The following EYA4 variants were observed in gnomAD, a reference collection of about 807,000 sequenced individuals.
EYA4 encodes protein phosphatase EYA4.
In EYA4, 31 loss-of-function variants were observed where a neutral mutation model predicts 87.9. The ratio of observed to expected loss-of-function variants is 0.35; its 90% CI spans 0.27 to 0.48. The LOEUF (loss-of-function observed/expected upper bound fraction) is 0.48. Among genes scored for constraint, EYA4 ranks in the 20% least tolerant of loss-of-function variants. The pLI, the probability that EYA4 is intolerant of heterozygous loss-of-function variation, is 0.99. For synonymous variants in EYA4, 263 were observed against 270.6 expected, an observed-to-expected ratio of 0.97 and a Z score of 0.28; for missense variants, 678 against 761.4, an observed-to-expected ratio of 0.89 and a Z score of 1.29.
rs374504091 is a variant in EYA4 at position 133,449,126 on chromosome 6, A to G, written c.277+947A>G. ...AGAATTTAGATACTCTTAATTCTATAGCAGGGTCTTTTTCTCTAAAGGGCC... is the reference window on the plus strand; with the variant it reads ...AGAATTTAGATACTCTTAATTCTATGGCAGGGTCTTTTTCTCTAAAGGGCC... On this transcript the variant is annotated intron_variant, in intron 5 of 19. Coordinates refer to ENST00000355286, the MANE Select transcript of EYA4 (RefSeq NM_004100.5). Among the ~76,000 whole-genome samples, 6 of 152,338 alleles carry G rather than the reference A, an allele frequency of 3.9e-5. No individual in the cohort carries two copies. The East Asian group carries it at 9.6e-4, about 24-fold the overall frequency.
At position 133,357,270 on chromosome 6, in the gene EYA4, CAAAAAAAAAAAA is replaced by C. The variant is rs754202361; in HGVS notation, c.34-25109_34-25098del. The stretch of plus-strand genomic sequence containing the variant: ...TGGGCGACAGAGCGAGACTCCGTCT[CAAAAAAAAAAAA>C]AAAAAAAAAAAAGAGCAGAAAAAAC... On this transcript the variant is annotated intron_variant, in intron 2 of 19. Coordinates refer to ENST00000355286, the MANE Select transcript of EYA4 (RefSeq NM_004100.5). Among the ~76,000 whole-genome samples the C allele has an allele frequency of 6.1e-5, 4 of 65,320 alleles. No homozygotes were observed. The Admixed American group carries it at 6.6e-4, about 11-fold the overall frequency. The allele number at this position is 65,320 out of a possible 152,430, so 42.9% of individuals were successfully genotyped here.
chr6:133,364,576 T>A (rs970881503), intron 2 of EYA4, among the ~76,000 whole-genome samples: 2 of 152,246 alleles, frequency 1.3e-5, no homozygotes, highest in African/African-American at 2.4e-5. Context: ...AGGGAGTTAC[T>A]TCTGCTAATT....
In EYA4 at chr6:133,271,797, A is replaced by G. The variant is rs143812291; in HGVS notation, c.-65-2919A>G. On this transcript the variant is annotated intron_variant, in intron 1 of 19. Transcript: ENST00000355286. ...GGCAATGACAGGGGTGGCTGGGGAA[A>G]GAGGCTGAGTGGTGTCCACAGAATG... Among the ~76,000 whole-genome samples the G allele has an allele frequency of 3.6e-3, 552 of 152,314 alleles. 3 individuals carry two copies. The highest frequency in any genetic ancestry group is 0.01 in the Middle Eastern group (3 of 294).
intron 1 of EYA4, among the ~76,000 whole-genome samples, chr6:133,263,085 T>C (rs971556686): frequency 2.0e-5 from 3 of 152,178 alleles, no homozygotes; most frequent in African/African-American, 7.2e-5. Context: ...CTGATCCAGC[T>C]TCACAGACCC....
At chr6:133,255,689 C>A (rs552134660) in intron 1 of EYA4, among the ~76,000 whole-genome samples, 37 of 151,932 alleles carry the variant, frequency 2.4e-4, no homozygotes, top group African/African-American at 8.4e-4. Flanking sequence ...CCAATAGGAT[C>A]ATTGATTTCC....
At chr6:133,481,383 G>A (rs1012883708) in intron 11 of EYA4, 80 bp from the exon 12 acceptor site, 4 of 1,364,022 alleles carry the variant, frequency 2.9e-6, no homozygotes, top group African/African-American at 2.9e-5. Context: ...ATAGGAATTT[G>A]TTAAGATAAT....
chr6:133,300,291 C>T (rs1000955726), intron 2 of EYA4, among the ~76,000 whole-genome samples: 1 of 148,912 alleles, frequency 6.7e-6, no homozygotes, highest in Non-Finnish European at 1.5e-5. Context: ...AGTGAGTGGA[C>T]CCACACAATT....
chr6:133,396,500 A>G (rs1015812964), intron 3 of EYA4, among the ~76,000 whole-genome samples: 1 of 152,206 alleles, frequency 6.6e-6, no homozygotes, highest in African/African-American at 2.4e-5. Flanking sequence ...AAGGCATTAC[A>G]TAGGAGCATC....
chr6:133,492,947 A>G (rs1268485834), intron 13 of EYA4, among the ~76,000 whole-genome samples: 1 of 152,204 alleles, frequency 6.6e-6, no homozygotes, highest in East Asian at 1.9e-4. Context: ...GCATAAATTG[A>G]AGAGGACACA....
chr6:133,445,944 T>C (rs1792789948), intron 3 of EYA4, among the ~76,000 whole-genome samples: 1 of 152,226 alleles, frequency 6.6e-6, no homozygotes. Context: ...ATCCCAGTTG[T>C]AGCACAATCT....
chr6:133,269,857 T>C (rs986043971), intron 1 of EYA4, among the ~76,000 whole-genome samples: 1 of 152,168 alleles, frequency 6.6e-6, no homozygotes, highest in South Asian at 2.1e-4. Context: ...AACTTACCCT[T>C]AACAATCACA....
chr6:133,343,487 T>C (rs531500436), intron 2 of EYA4, among the ~76,000 whole-genome samples: 1 of 152,086 alleles, frequency 6.6e-6, no homozygotes, highest in South Asian at 2.1e-4. Context: ...TTTTCATTCC[T>C]CGGTGCTTCC....
intron 17 of EYA4, among the ~76,000 whole-genome samples, chr6:133,517,794 G>A (rs2128797203): frequency 6.6e-6 from 1 of 152,318 alleles, no homozygotes. Flanking sequence ...GGTTTGGACT[G>A]TGGGAACCAC....
In EYA4 at chr6:133,279,153, A is replaced by G. The variant is rs557674837; in HGVS notation, c.33+4340A>G. 3.3e-5 allele frequency among the ~76,000 whole-genome samples: 5 copies of G among 152,280 alleles called. No individual in the cohort carries two copies. The South Asian group carries it at 1.0e-3, about 32-fold the overall frequency. ...TGGAGTCTGGCCTAAATTAATGATCAAGCCAGCAGGTTTGAAAAGAAATAT... is the reference window on the plus strand; with the variant it reads ...TGGAGTCTGGCCTAAATTAATGATCGAGCCAGCAGGTTTGAAAAGAAATAT... On this transcript the variant is annotated intron_variant, in intron 2 of 19. Coordinates refer to ENST00000355286, the MANE Select transcript of EYA4 (RefSeq NM_004100.5).
chr6:133,304,456 G>A (rs759351649), intron 2 of EYA4, among the ~76,000 whole-genome samples: 5 of 152,142 alleles, frequency 3.3e-5, no homozygotes, highest in Non-Finnish European at 7.3e-5. Context: ...ACAGGAAGAA[G>A]AGCAGAAGAA....
intron 2 of EYA4, among the ~76,000 whole-genome samples, chr6:133,317,157 A>G (rs959829743): frequency 9.9e-5 from 15 of 152,230 alleles, no homozygotes; most frequent in African/African-American, 3.4e-4. Flanking sequence ...TTGGCTTATC[A>G]AAAAGTCAGA....
intron 14 of EYA4, among the ~76,000 whole-genome samples, chr6:133,508,504 A>G (rs1798848725): frequency 6.6e-6 from 1 of 152,158 alleles, no homozygotes; most frequent in Non-Finnish European, 1.5e-5. Context: ...AAAGGTATAA[A>G]AAGAAAAAAG....
intron 2 of EYA4, among the ~76,000 whole-genome samples, chr6:133,351,232 T>C (rs1367971898): frequency 1.3e-5 from 2 of 152,214 alleles, no homozygotes; most frequent in East Asian, 3.8e-4. Context: ...TTTCAGGATC[T>C]CAGTTGAATG....
intron 3 of EYA4, among the ~76,000 whole-genome samples, chr6:133,383,779 A>T (rs1786462359): frequency 6.6e-6 from 1 of 152,198 alleles, no homozygotes; most frequent in African/African-American, 2.4e-5. Context: ...TTAGCTATCA[A>T]AATGGAACTA....
Sources: allele counts gnomAD v4.1 joint callset (sites outside exome capture counted in the v4.1 genomes callset), GRCh38; gene constraint gnomAD v4.1.1; transcripts MANE v1.5; gene names NCBI Gene and HGNC (gene_info 2026-07-23, HGNC 2026-07-21).